Variants in CHSY3 observed in about 807,000 individuals in gnomAD.
The protein encoded by CHSY3 is chondroitin sulfate synthase 3, also known as N-acetylgalactosaminyl-proteoglycan 3-beta-glucuronosyltransferase 3.
A neutral mutation model predicts 67.2 loss-of-function variants in CHSY3; 35 were observed. The ratio of observed to expected loss-of-function variants is 0.52; its 90% CI spans 0.40 to 0.69. CHSY3 has a LOEUF of 0.69. Among genes scored for constraint, CHSY3 ranks in the 30% least tolerant of loss-of-function variants. The probability of loss-of-function intolerance (pLI) is 0.00; values close to 1 mark genes in which losing one functional copy is unlikely to be tolerated. For missense variants in CHSY3, 1,069 were observed against 1,138.5 expected (o/e 0.94, Z 0.88); for synonymous variants, 474 against 434.7 (o/e 1.09, Z -1.12).
chr5:129,950,118 A>C (rs1761982734), intron 2 of CHSY3, among the ~76,000 whole-genome samples: 1 of 150,814 alleles, frequency 6.6e-6, no homozygotes, highest in Non-Finnish European at 1.5e-5. Flanking sequence ...CAGTGAGCTG[A>C]GATTGCGCCA....
At chr5:130,178,251 A>AT (rs1298647034) in intron 2 of CHSY3, among the ~76,000 whole-genome samples, 1,064 of 62,674 alleles carry the variant, frequency 0.017, 16 homozygotes, top group Admixed American at 0.032. Context: ...ATATATATAT[A>AT]TATTTTTTTT....
chr5:130,131,358 G>C (rs1278112674), intron 2 of CHSY3, among the ~76,000 whole-genome samples: 1 of 152,062 alleles, frequency 6.6e-6, no homozygotes, highest in Non-Finnish European at 1.5e-5. Flanking sequence ...TCTCTCTGCT[G>C]TTTCCACTCA....
At chr5:130,160,170 G>A (rs894302390) in intron 2 of CHSY3, among the ~76,000 whole-genome samples, 13 of 152,138 alleles carry the variant, frequency 8.5e-5, no homozygotes, top group Admixed American at 6.5e-4. Context: ...TTTATTCATA[G>A]AAAGATTATG....
At chr5:129,961,032 A>G (rs1762314531) in intron 2 of CHSY3, among the ~76,000 whole-genome samples, 1 of 152,062 alleles carries the variant, frequency 6.6e-6, no homozygotes, top group African/African-American at 2.4e-5. Context: ...TTGAATTGGA[A>G]TGTTTGGTTG....
intron 2 of CHSY3, among the ~76,000 whole-genome samples, chr5:130,074,089 G>C (rs1336358540): frequency 6.9e-6 from 1 of 145,902 alleles, no homozygotes; most frequent in East Asian, 2.0e-4. Context: ...GTTTTTTTTT[G>C]AGACAGAGTC....
intron 2 of CHSY3, among the ~76,000 whole-genome samples, chr5:130,093,446 C>G (rs1766944367): frequency 6.6e-6 from 1 of 152,068 alleles, no homozygotes; most frequent in South Asian, 2.1e-4. Flanking sequence ...AATGCTGCTA[C>G]TCTTATATAA....
intron 2 of CHSY3, among the ~76,000 whole-genome samples, chr5:129,972,426 A>G (rs764912748): frequency 3.9e-5 from 6 of 152,052 alleles, no homozygotes; most frequent in Admixed American, 6.6e-5. Flanking sequence ...TCTCAGTCAC[A>G]TATAGATATA....
At chr5:130,178,504 G>A (rs534388275) in intron 2 of CHSY3, among the ~76,000 whole-genome samples, 1 of 151,740 alleles carries the variant, frequency 6.6e-6, no homozygotes, top group South Asian at 2.1e-4. Flanking sequence ...CGCCCGTCTC[G>A]GCCTCCGAAA....
intron 2 of CHSY3, among the ~76,000 whole-genome samples, chr5:129,987,595 C>CGA (rs1315927795): frequency 6.6e-6 from 1 of 152,132 alleles, no homozygotes; most frequent in Non-Finnish European, 1.5e-5. Context: ...GATATGATCT[C>CGA]ATTCAGAGAT....
chr5:129,964,115 T>A (rs1049254086), intron 2 of CHSY3, among the ~76,000 whole-genome samples: 1 of 151,902 alleles, frequency 6.6e-6, no homozygotes, highest in Non-Finnish European at 1.5e-5. Context: ...GAGAGTGGAA[T>A]AATGGTTTGC....
intron 2 of CHSY3, among the ~76,000 whole-genome samples, chr5:129,926,241 T>C (rs541545179): frequency 3.3e-5 from 5 of 152,166 alleles, no homozygotes; most frequent in Admixed American, 2.0e-4. Flanking sequence ...GCCAACTTAT[T>C]GATTATTTAC....
At chr5:129,916,848 T>C (rs1386616715) in intron 2 of CHSY3, among the ~76,000 whole-genome samples, 2 of 152,084 alleles carry the variant, frequency 1.3e-5, no homozygotes, top group African/African-American at 2.4e-5. Context: ...TAATATAGAG[T>C]TGGGTTTCTC....
intron 2 of CHSY3, among the ~76,000 whole-genome samples, chr5:130,094,033 T>G (rs1412399841): frequency 6.6e-6 from 1 of 152,122 alleles, no homozygotes; most frequent in African/African-American, 2.4e-5. Flanking sequence ...CACAAGCACT[T>G]TCTGCATGAG....
intron 2 of CHSY3, 24 bp from the exon 3 acceptor site, chr5:130,184,205 G>T: frequency 6.9e-7 from 1 of 1,444,018 alleles, no homozygotes. Context: ...AATTAACCCT[G>T]ATTTTTTTAA....
chr5:130,022,205 T>C (rs942238995), intron 2 of CHSY3, among the ~76,000 whole-genome samples: 1 of 152,116 alleles, frequency 6.6e-6, no homozygotes, highest in African/African-American at 2.4e-5. Flanking sequence ...TACTAGCTTG[T>C]TATTCTCAGT....
chr5:130,089,313 G>C (rs1248111795), intron 2 of CHSY3, among the ~76,000 whole-genome samples: 1 of 151,246 alleles, frequency 6.6e-6, no homozygotes, highest in Non-Finnish European at 1.5e-5. Flanking sequence ...CATGGCACAT[G>C]TATACATATG....
intron 2 of CHSY3, among the ~76,000 whole-genome samples, chr5:130,040,888 A>G (rs1321118927): frequency 6.6e-6 from 1 of 152,128 alleles, no homozygotes; most frequent in Non-Finnish European, 1.5e-5. Flanking sequence ...AAAGTGGTCT[A>G]CTTAATTTTC....
At chr5:130,088,801 G>A (rs1183743667) in intron 2 of CHSY3, among the ~76,000 whole-genome samples, 1 of 152,116 alleles carries the variant, frequency 6.6e-6, no homozygotes, top group Non-Finnish European at 1.5e-5. Context: ...AACCATTATG[G>A]AAGTCAGTGT....
chr5:130,086,660 C>A (rs1162507296), intron 2 of CHSY3, among the ~76,000 whole-genome samples: 5 of 151,966 alleles, frequency 3.3e-5, no homozygotes, highest in Admixed American at 6.6e-5. Flanking sequence ...TCCCAAGACT[C>A]AACCAGGAAG....
Sources: allele counts gnomAD v4.1 joint callset (sites outside exome capture counted in the v4.1 genomes callset), GRCh38; gene constraint gnomAD v4.1.1; transcripts MANE v1.5; gene names NCBI Gene and HGNC (gene_info 2026-07-23, HGNC 2026-07-21).